The following TNS3 variants were observed in gnomAD, a reference collection of about 807,000 sequenced individuals.
The protein encoded by TNS3 is tensin 3, also known as tensin-3.
A neutral mutation model predicts 140.9 loss-of-function variants in TNS3; 45 were observed. The observed-to-expected ratio is 0.32, with a 90% confidence interval of 0.25 to 0.41. The LOEUF (loss-of-function observed/expected upper bound fraction) is 0.41, where lower values mean the gene tolerates loss of function less well. Among genes scored for constraint, TNS3 ranks in the 10% least tolerant of loss-of-function variants. The pLI, the probability that TNS3 is intolerant of heterozygous loss-of-function variation, is 1.00. For synonymous variants in TNS3, 815 were observed against 788.4 expected (o/e 1.03, Z -0.56); for missense variants, 1,716 against 1,906.7 (o/e 0.90, Z 1.86).
chr7:47,371,887 T>C (rs1193634674), intron 16 of TNS3, among the ~76,000 whole-genome samples: 1 of 152,250 alleles, frequency 6.6e-6, no homozygotes, highest in East Asian at 1.9e-4. Flanking sequence ...TGCATTCACC[T>C]TGACCTTCAG....
chr7:47,494,387 T>C (rs113653678), intron 3 of TNS3, among the ~76,000 whole-genome samples: 149 of 152,286 alleles, frequency 9.8e-4, no homozygotes, highest in Non-Finnish European at 1.7e-3. Flanking sequence ...TTTTTAGAAG[T>C]AAAGAAACCT....
chr7:47,514,409 G>A (rs1322509079), intron 2 of TNS3, among the ~76,000 whole-genome samples: 4 of 152,144 alleles, frequency 2.6e-5, no homozygotes, highest in East Asian at 1.9e-4. Context: ...TGCTGACTCC[G>A]ATGGACTCAA....
intron 13 of TNS3, chr7:47,405,574 AG>A (rs1226111168): frequency 1.4e-6 from 1 of 703,042 alleles, no homozygotes; most frequent in Non-Finnish European, 2.6e-6. Context: ...AGCAATTGAA[AG>A]GTGGGTAAAT....
chr7:47,300,286 A>C (rs1422588292), intron 23 of TNS3, among the ~76,000 whole-genome samples: 2 of 152,228 alleles, frequency 1.3e-5, no homozygotes, highest in Non-Finnish European at 2.9e-5. Flanking sequence ...AAATATGTAG[A>C]AAATGAAAGT....
intron 3 of TNS3, among the ~76,000 whole-genome samples, chr7:47,487,258 A>C (rs1562796209): frequency 6.6e-6 from 1 of 150,980 alleles, no homozygotes; most frequent in Non-Finnish European, 1.5e-5. Flanking sequence ...GTGCCACTGC[A>C]CTCCAGCCTG....
chr7:47,446,756 C>T (rs372144891), intron 4 of TNS3, among the ~76,000 whole-genome samples: 37 of 138,956 alleles, frequency 2.7e-4, no homozygotes, highest in African/African-American at 9.5e-4. Context: ...GGCATGATCA[C>T]GGCTGACTGC....
chr7:47,412,946 T>TTTG (rs527752249), intron 12 of TNS3, among the ~76,000 whole-genome samples: 1 of 152,170 alleles, frequency 6.6e-6, no homozygotes, highest in Non-Finnish European at 1.5e-5. Flanking sequence ...TGCCAGTTTT[T>TTTG]TTGTTGTTGT....
At chr7:47,396,664 G>T (rs1035899187) in intron 16 of TNS3, 136 bp downstream of exon 16, 5 of 725,930 alleles carry the variant, frequency 6.9e-6, no homozygotes, top group African/African-American at 1.7e-5. Flanking sequence ...TCACACGAAG[G>T]TGTGATTCTG....
chr7:47,542,057 T>C (rs1328351519), intron 1 of TNS3, among the ~76,000 whole-genome samples: 1 of 151,408 alleles, frequency 6.6e-6, no homozygotes, highest in Non-Finnish European at 1.5e-5. Flanking sequence ...CGTCGTGGGA[T>C]GGGAGACTCG....
At chr7:47,446,274 G>A (rs552922812) in intron 4 of TNS3, among the ~76,000 whole-genome samples, 6 of 152,002 alleles carry the variant, frequency 3.9e-5, no homozygotes, top group Non-Finnish European at 7.4e-5. Context: ...ACCATGCCCA[G>A]CTAATTTTTT....
intron 4 of TNS3, among the ~76,000 whole-genome samples, chr7:47,462,217 A>C (rs770106905): frequency 5.9e-5 from 9 of 152,256 alleles, no homozygotes; most frequent in Non-Finnish European, 1.2e-4. Flanking sequence ...GTGACATGCA[A>C]GCAGCAATGA....
At chr7:47,435,468 A>G (rs1383893828) in intron 7 of TNS3, 64 bp from the exon 8 acceptor site, 1 of 1,601,658 alleles carries the variant, frequency 6.2e-7, no homozygotes. Flanking sequence ...GCCATCTCAC[A>G]ATGACTTCTT....
chr7:47,512,861 A>G (rs1006365679), intron 2 of TNS3, among the ~76,000 whole-genome samples: 1 of 152,252 alleles, frequency 6.6e-6, no homozygotes, highest in African/African-American at 2.4e-5. Context: ...GACTTTGGAA[A>G]AGGGCAGACA....
At chr7:47,437,438 C>A in intron 6 of TNS3, 125 bp from the exon 7 acceptor site, 1 of 334,688 alleles carries the variant, frequency 3.0e-6, no homozygotes, top group Non-Finnish European at 5.0e-6. Flanking sequence ...AATCTTCACA[C>A]TCACAAATCA....
At chr7:47,454,697 C>G (rs1796173414) in intron 4 of TNS3, among the ~76,000 whole-genome samples, 1 of 152,160 alleles carries the variant, frequency 6.6e-6, no homozygotes, top group African/African-American at 2.4e-5. Flanking sequence ...AGGCCGAGCC[C>G]TAGAGAGCCA....
At chr7:47,293,035 G>T (rs1258721039) in intron 25 of TNS3, 130 bp from the exon 26 acceptor site, 2 of 701,508 alleles carry the variant, frequency 2.9e-6, no homozygotes, top group Non-Finnish European at 4.8e-6. Context: ...TGGTATGTTA[G>T]ATTAGTGTGC....
intron 16 of TNS3, among the ~76,000 whole-genome samples, chr7:47,385,244 C>T (rs1364521620): frequency 6.6e-6 from 1 of 152,212 alleles, no homozygotes; most frequent in East Asian, 1.9e-4. Flanking sequence ...AGGAGATTCA[C>T]AGCCGGCGAC....
At chr7:47,513,179 T>G (rs1408304721) in intron 2 of TNS3, among the ~76,000 whole-genome samples, 1 of 152,180 alleles carries the variant, frequency 6.6e-6, no homozygotes, top group Non-Finnish European at 1.5e-5. Context: ...TTATTTATTT[T>G]TTTCTTTTTA....
chr7:47,338,345 C>T (rs960570981), intron 20 of TNS3, among the ~76,000 whole-genome samples: 1 of 152,230 alleles, frequency 6.6e-6, no homozygotes. Flanking sequence ...TTTCCACATG[C>T]TCACCAGTAT....
Sources: gnomAD v4.1 joint callset for allele counts (sites outside exome capture counted in the v4.1 genomes callset) on GRCh38, gnomAD v4.1.1 for gene constraint, MANE v1.5 for transcripts, NCBI Gene and HGNC (gene_info 2026-07-23, HGNC 2026-07-21) for gene names.